The following GRK7 variants were observed in gnomAD, a reference collection of about 807,000 sequenced individuals.
GRK7 encodes rhodopsin kinase GRK7.
Under a neutral mutation model 34.1 loss-of-function variants are expected in GRK7, and 24 were observed. That is an observed-to-expected ratio of 0.70 (90% CI 0.51 to 0.99). The LOEUF is 0.99. Among genes scored for constraint, GRK7 ranks in the 50% least tolerant of loss-of-function variants. The pLI is 0.00. For missense variants in GRK7, 644 were observed against 707.3 expected (o/e 0.91, Z 1.02); for synonymous variants, 256 against 279.4 (o/e 0.92, Z 0.84).
intron 4 of GRK7, among the ~76,000 whole-genome samples, chr3:141,782,812 G>GAA (rs112938180): frequency 7.2e-6 from 1 of 139,286 alleles, no homozygotes; most frequent in Non-Finnish European, 1.6e-5. Flanking sequence ...CTTAAAAAAA[G>GAA]AAAAAAAAAA....
At chr3:141,757,129 C>CTTTTTTTTGTTTTTTTT in the GRK7 span, among the ~76,000 whole-genome samples, 1 of 101,364 alleles carries the variant, frequency 9.9e-6, no homozygotes. Context: ...AGATCTTCTT[C>CTTTTTTTTGTTTTTTTT]TTTTTTTTTT....
rs571738122 is a variant in GRK7 at position 141,783,265 on chromosome 3, AT to A, written c.1050+2456del. Among the ~76,000 whole-genome samples the A allele has an allele frequency of 6.0e-4, 91 of 152,348 alleles. 1 individual carries two copies. Among genetic ancestry groups the A allele is most frequent in the African/African-American group, 2.1e-3 (87 of 41,572 alleles). On this transcript the variant is annotated intron_variant, in intron 4 of 5. Coordinates refer to ENST00000682958, the MANE Select transcript of GRK7 (RefSeq NM_139209.3). ...GCTGCAGAGGAAGCTGACAAATGAC[AT>A]TCTTGAAAATTCTTTGGTTAAAAAG...
chr3:141,750,728 T>A, the GRK7 span, among the ~76,000 whole-genome samples: 1 of 151,860 alleles, frequency 6.6e-6, no homozygotes, highest in Non-Finnish European at 1.5e-5. Context: ...TGTAAAAAAA[T>A]TGCCAGCATG....
the GRK7 span, among the ~76,000 whole-genome samples, chr3:141,750,877 G>A: frequency 1.3e-5 from 2 of 151,608 alleles, no homozygotes; most frequent in Non-Finnish European, 2.9e-5. Flanking sequence ...AATAGAGTTA[G>A]AGAAAACTGC....
intron 5 of GRK7, among the ~76,000 whole-genome samples, chr3:141,813,122 G>A (rs143495472): frequency 1.5e-3 from 231 of 151,830 alleles, no homozygotes; most frequent in African/African-American, 4.9e-3. Context: ...CTGTTTGTTC[G>A]TTTGTTTGTT....
chr3:141,797,020 C>T (rs977617297), intron 4 of GRK7, among the ~76,000 whole-genome samples: 1 of 152,184 alleles, frequency 6.6e-6, no homozygotes, highest in Non-Finnish European at 1.5e-5. Flanking sequence ...GTTGAGTAAG[C>T]GGCTGTGGGT....
intron 4 of GRK7, among the ~76,000 whole-genome samples, chr3:141,793,395 AT>A (rs1490310346): frequency 6.6e-6 from 1 of 152,190 alleles, no homozygotes; most frequent in Non-Finnish European, 1.5e-5. Context: ...CTGCTGCAGA[AT>A]GGATTGCTGG....
intron 4 of GRK7, among the ~76,000 whole-genome samples, chr3:141,787,318 G>A (rs1228641857): frequency 6.6e-6 from 1 of 152,134 alleles, no homozygotes; most frequent in Non-Finnish European, 1.5e-5. Context: ...ATATTGTAGG[G>A]TAGCATCAAA....
the GRK7 span, among the ~76,000 whole-genome samples, chr3:141,750,823 A>C: frequency 2.0e-5 from 3 of 150,236 alleles, no homozygotes; most frequent in Non-Finnish European, 4.4e-5. Context: ...AGGTTCTCCC[A>C]CAGTGGTTCC....
intron 4 of GRK7, among the ~76,000 whole-genome samples, chr3:141,804,757 T>G: frequency 6.8e-6 from 1 of 146,760 alleles, no homozygotes; most frequent in South Asian, 2.2e-4. Flanking sequence ...ATATGCACAC[T>G]CACATGCACA....
At position 141,765,022 on chromosome 3, in the gene GRK7, G is replaced by A. The variant is rs1239950531; in HGVS notation, c.-931G>A. 6.6e-6 allele frequency among the ~76,000 whole-genome samples: 1 copy of A among 152,156 alleles called. No individual in the cohort carries two copies. The highest frequency in any genetic ancestry group is 1.5e-5 in the Non-Finnish European group (1 of 68,036). ...TTCTGTTTTAACCCTTGCCCCTTCT[G>A]TCTGTGATCCTGTTAAAATGTCCAT... On this transcript the variant is annotated 5_prime_UTR_variant, in exon 1 of 6. Coordinates refer to ENST00000682958, the MANE Select transcript of GRK7 (RefSeq NM_139209.3).
At chr3:141,751,582 A>G in the GRK7 span, among the ~76,000 whole-genome samples, 120 of 152,340 alleles carry the variant, frequency 7.9e-4, no homozygotes, top group African/African-American at 2.7e-3. Context: ...ATGTAACAAC[A>G]TGTGGTAAGT....
In GRK7 at chr3:141,796,029, G is replaced by A. The variant is rs570955626; in HGVS notation, c.1051-11616G>A. Among the ~76,000 whole-genome samples the A allele has an allele frequency of 1.1e-4, 16 of 152,308 alleles. No individual in the cohort carries two copies. In the East Asian group the frequency reaches 2.5e-3, roughly 24 times the overall value. On this transcript the variant is annotated intron_variant, in intron 4 of 5. Coordinates refer to ENST00000682958, the MANE Select transcript of GRK7 (RefSeq NM_139209.3). ...AATCTAATATAGACACATGTTAGAAGCTCAGAGCATTCATTTAGATCATGC... is the reference window on the plus strand; with the variant it reads ...AATCTAATATAGACACATGTTAGAAACTCAGAGCATTCATTTAGATCATGC...
chr3:141,771,129 C>T (rs989730727), intron 1 of GRK7, among the ~76,000 whole-genome samples: 1 of 152,030 alleles, frequency 6.6e-6, no homozygotes, highest in Non-Finnish European at 1.5e-5. Context: ...TTTATCACAG[C>T]ACTATTCACA....
the GRK7 span, among the ~76,000 whole-genome samples, chr3:141,754,881 T>C: frequency 1.3e-5 from 2 of 152,250 alleles, no homozygotes. Context: ...TTCATGTTTA[T>C]ATTTTTTAAT....
At chr3:141,770,230 A>G (rs2084610761) in intron 1 of GRK7, among the ~76,000 whole-genome samples, 1 of 152,210 alleles carries the variant, frequency 6.6e-6, no homozygotes, top group Non-Finnish European at 1.5e-5. Flanking sequence ...GGGCACATAG[A>G]GGAGGGAACA....
At chr3:141,757,444 A>G in the GRK7 span, among the ~76,000 whole-genome samples, 5 of 115,992 alleles carry the variant, frequency 4.3e-5, no homozygotes, top group Admixed American at 3.8e-4. Context: ...GAGAATGATG[A>G]TTTCCAATTT....
intron 1 of GRK7, among the ~76,000 whole-genome samples, chr3:141,768,994 T>G (rs544967752): frequency 1.3e-5 from 2 of 152,146 alleles, no homozygotes; most frequent in East Asian, 3.9e-4. Context: ...CCAGTCTCAC[T>G]CCCTTCTCTC....
chr3:141,811,497 GC>G (rs1711091808), intron 5 of GRK7, among the ~76,000 whole-genome samples: 1 of 152,016 alleles, frequency 6.6e-6, no homozygotes, highest in Non-Finnish European at 1.5e-5. Flanking sequence ...CTCAAGCAAA[GC>G]CTTTTTAGTA....
Sources: allele counts gnomAD v4.1 joint callset (sites outside exome capture counted in the v4.1 genomes callset), GRCh38; gene constraint gnomAD v4.1.1; transcripts MANE v1.5; gene names NCBI Gene and HGNC (gene_info 2026-07-23, HGNC 2026-07-21).